Variants in EHBP1 observed in about 807,000 individuals in gnomAD.
EHBP1 encodes EH domain-binding protein 1.
EHBP1 carries 55 observed loss-of-function variants against 144.0 expected under a neutral mutation model. The observed-to-expected ratio is 0.38, with a 90% CI of 0.31 to 0.48. The LOEUF (loss-of-function observed/expected upper bound fraction) is 0.48. Ranked by LOEUF, EHBP1 falls within the 20% of genes least tolerant of loss-of-function variation. The pLI, the probability that EHBP1 is intolerant of heterozygous loss-of-function variation, is 0.98. For synonymous variants in EHBP1, 469 were observed against 472.7 expected (o/e 0.99, Z 0.10); for missense variants, 1,200 against 1,364.2 (o/e 0.88, Z 1.90).
chr2:62,952,299 T>C (rs2057433409), intron 13 of EHBP1, among the ~76,000 whole-genome samples: 1 of 152,214 alleles, frequency 6.6e-6, no homozygotes, highest in Admixed American at 6.5e-5. Flanking sequence ...AGCTGAATTT[T>C]GGACAATTAA....
intron 4 of EHBP1, among the ~76,000 whole-genome samples, chr2:62,768,169 A>G (rs1351650962): frequency 6.6e-6 from 1 of 152,234 alleles, no homozygotes; most frequent in Non-Finnish European, 1.5e-5. Flanking sequence ...GCAGTAACGA[A>G]AATCAGAGCT....
At chr2:62,836,303 A>G (rs1290390967) in intron 7 of EHBP1, among the ~76,000 whole-genome samples, 4 of 150,918 alleles carry the variant, frequency 2.7e-5, no homozygotes, top group African/African-American at 9.7e-5. Context: ...AAGGAAAACT[A>G]ACAAACAGAA....
chr2:62,887,471 C>T (rs948426744), intron 10 of EHBP1, among the ~76,000 whole-genome samples: 1 of 151,770 alleles, frequency 6.6e-6, no homozygotes, highest in African/African-American at 2.4e-5. Context: ...AGCACGGTGG[C>T]TCATTCCTGT....
intron 10 of EHBP1, among the ~76,000 whole-genome samples, chr2:62,878,940 C>T (rs1462492637): frequency 2.0e-5 from 3 of 151,816 alleles, no homozygotes; most frequent in African/African-American, 7.3e-5. Context: ...ATCACTTGAA[C>T]CCAGAAGGTG....
At chr2:62,824,014 A>G (rs1042436515) in intron 5 of EHBP1, among the ~76,000 whole-genome samples, 1 of 152,024 alleles carries the variant, frequency 6.6e-6, no homozygotes, top group Non-Finnish European at 1.5e-5. Context: ...TTTATTACCT[A>G]TTGTTTCAAA....
upstream of EHBP1, among the ~76,000 whole-genome samples, chr2:62,705,490 C>CT (rs149559069): frequency 1.6e-3 from 241 of 148,292 alleles, no homozygotes; most frequent in Middle Eastern, 3.6e-3. Context: ...TCGGTTCCTT[C>CT]TTTTTTTTTT....
chr2:62,906,607 A>G (rs902107235), intron 10 of EHBP1, among the ~76,000 whole-genome samples: 2 of 152,318 alleles, frequency 1.3e-5, no homozygotes, highest in East Asian at 1.9e-4. Context: ...CTAGATTTAC[A>G]TATATTTTAA....
At chr2:62,898,169 C>T (rs1262809352) in intron 10 of EHBP1, among the ~76,000 whole-genome samples, 2 of 152,058 alleles carry the variant, frequency 1.3e-5, no homozygotes, top group Non-Finnish European at 1.5e-5. Flanking sequence ...GGTTCTGATT[C>T]GCGGGAGTGA....
intron 1 of EHBP1, among the ~76,000 whole-genome samples, chr2:62,681,990 A>G (rs1429808667): frequency 6.6e-6 from 1 of 152,228 alleles, no homozygotes; most frequent in Non-Finnish European, 1.5e-5. Context: ...AAGTTCCCCT[A>G]AGTAAACTTC....
upstream of EHBP1, among the ~76,000 whole-genome samples, chr2:62,705,253 A>C (rs1252836979): frequency 6.6e-6 from 1 of 152,066 alleles, no homozygotes. Flanking sequence ...AGATGAGAAC[A>C]GGAGAGAAAC....
intron 5 of EHBP1, among the ~76,000 whole-genome samples, chr2:62,789,353 C>T (rs149699126): frequency 5.9e-5 from 9 of 152,238 alleles, no homozygotes; most frequent in Admixed American, 1.3e-4. Flanking sequence ...CATCTGCTGA[C>T]GTTTTAATTT....
At chr2:62,748,900 T>G (rs2039406805) in intron 3 of EHBP1, among the ~76,000 whole-genome samples, 1 of 152,178 alleles carries the variant, frequency 6.6e-6, no homozygotes, top group Non-Finnish European at 1.5e-5. Flanking sequence ...GATCTTAATT[T>G]TATAATTCAG....
At position 63,045,771 on chromosome 2, in the gene EHBP1, T is replaced by G; in HGVS notation, c.*271T>G. The G allele has an allele frequency of 7.5e-6, 3 of 398,884 alleles. No homozygotes were observed. The highest frequency in any genetic ancestry group is 1.4e-5 in the Non-Finnish European group (3 of 215,884). The allele number at this position is 398,884 out of a possible 1,614,324, so 24.7% of individuals were successfully genotyped here. ...ATTTGCACAGACACCTTGTGAGTGA[T>G]TGGTATTGGAGGTGTTCAAGAAACT... On this transcript the variant is annotated 3_prime_UTR_variant, in exon 23 of 23. Coordinates refer to ENST00000431489, the MANE Select transcript of EHBP1 (RefSeq NM_001142616.3). This position sits in a 1 kb window ranked among gnomAD's most constrained non-coding sequence, Gnocchi z 5.7.
intron 5 of EHBP1, among the ~76,000 whole-genome samples, chr2:62,800,469 A>C (rs187782757): frequency 1.6e-4 from 24 of 152,274 alleles, no homozygotes; most frequent in Middle Eastern, 6.8e-3. Flanking sequence ...ACTGTATCCT[A>C]AGATTTGCTG....
chr2:62,965,413 G>C (rs1159960788), intron 14 of EHBP1, among the ~76,000 whole-genome samples: 1 of 152,140 alleles, frequency 6.6e-6, no homozygotes, highest in East Asian at 1.9e-4. Flanking sequence ...TTTTGATACT[G>C]TATAAGAATC....
chr2:62,753,989 A>T (rs1240998330), intron 3 of EHBP1, among the ~76,000 whole-genome samples: 1 of 152,146 alleles, frequency 6.6e-6, no homozygotes, highest in Non-Finnish European at 1.5e-5. Context: ...TTCTTCTCTC[A>T]ACTTGTCAAT....
At chr2:62,952,756 T>A (rs928192810) in intron 13 of EHBP1, among the ~76,000 whole-genome samples, 2 of 152,220 alleles carry the variant, frequency 1.3e-5, no homozygotes, top group Non-Finnish European at 2.9e-5. Flanking sequence ...CTCCACTTGA[T>A]GCTTATAACA....
intron 1 of EHBP1, among the ~76,000 whole-genome samples, chr2:62,681,338 G>GTATATATATATATA (rs1376388270): frequency 3.5e-4 from 6 of 16,914 alleles, no homozygotes; most frequent in African/African-American, 8.7e-4. Flanking sequence ...GTATGTGTGT[G>GTATATATATATATA]TGTATATATA....
intron 1 of EHBP1, among the ~76,000 whole-genome samples, chr2:62,677,754 TG>T (rs1329431639): frequency 8.5e-5 from 13 of 152,236 alleles, no homozygotes. Context: ...TTTCTGTTCC[TG>T]GCTTATTTCA....
Sources: gnomAD v4.1 joint callset for allele counts (sites outside exome capture counted in the v4.1 genomes callset) on GRCh38, gnomAD v4.1.1 for gene constraint, Gnocchi (gnomAD v3.1) non-coding constraint, MANE v1.5 for transcripts, NCBI Gene and HGNC (gene_info 2026-07-23, HGNC 2026-07-21) for gene names.